Variants in SLC2A12 observed in about 807,000 individuals in gnomAD.
SLC2A12 encodes solute carrier family 2, facilitated glucose transporter member 12.
In SLC2A12, 23 loss-of-function variants were observed where a neutral mutation model predicts 41.8. The ratio of observed to expected loss-of-function variants is 0.55; its 90% CI spans 0.40 to 0.78. The LOEUF (loss-of-function observed/expected upper bound fraction) is 0.78, where lower values mean the gene tolerates loss of function less well. Among genes scored for constraint, SLC2A12 ranks in the 30% least tolerant of loss-of-function variants. SLC2A12 has a pLI of 0.00. For missense variants in SLC2A12, 654 were observed against 745.6 expected (o/e 0.88, Z 1.43); for synonymous variants, 295 against 285.9 (o/e 1.03, Z -0.32).
At position 133,990,096 on chromosome 6, in the gene SLC2A12, T is replaced by G. The variant is rs1776600044; in HGVS notation, c.*1059A>C. The G allele has an allele frequency of 6.5e-6, 1 of 152,698 alleles. No individual in the cohort carries two copies. Among genetic ancestry groups the G allele is most frequent in the South Asian group, 2.1e-4 (1 of 4,836 alleles). The allele number at this position is 152,698 out of a possible 1,614,324, so 9.5% of individuals were successfully genotyped here. ...GTTGTGTGGGTGAAACCCACGTTGC[T>G]GGTACAGGTGGCCATCATAGAAAAG... On this transcript the variant is annotated 3_prime_UTR_variant, in exon 5 of 5. Coordinates refer to ENST00000275230, the MANE Select transcript of SLC2A12 (RefSeq NM_145176.3).
intron 1 of SLC2A12, among the ~76,000 whole-genome samples, chr6:134,033,694 T>C (rs781717666): frequency 4.6e-5 from 7 of 152,202 alleles, no homozygotes; most frequent in Non-Finnish European, 8.8e-5. Context: ...ACTGCTTTAA[T>C]AGCAGAAGAA....
intron 4 of SLC2A12, among the ~76,000 whole-genome samples, chr6:134,000,902 G>C (rs547117553): frequency 6.6e-6 from 1 of 152,328 alleles, no homozygotes; most frequent in East Asian, 1.9e-4. Flanking sequence ...GGTTAAGCCT[G>C]AGAGTTTTTC....
intron 1 of SLC2A12, among the ~76,000 whole-genome samples, chr6:134,034,812 C>CA (rs1316011275): frequency 1.3e-5 from 2 of 151,950 alleles, no homozygotes; most frequent in Non-Finnish European, 1.5e-5. Context: ...AGCACTTTTC[C>CA]AAAAAATACC....
At chr6:134,006,193 C>CAA (rs571711008) in intron 3 of SLC2A12, among the ~76,000 whole-genome samples, 6 of 121,604 alleles carry the variant, frequency 4.9e-5, no homozygotes, top group Non-Finnish European at 6.8e-5. Flanking sequence ...AAAAAAAAAA[C>CAA]AAAAAAAAAA....
intron 4 of SLC2A12, among the ~76,000 whole-genome samples, chr6:133,993,022 CTT>C (rs1473311077): frequency 6.6e-6 from 1 of 152,208 alleles, no homozygotes; most frequent in African/African-American, 2.4e-5. Context: ...TTACATCTGT[CTT>C]TGTGCTTGGC....
At chr6:133,997,816 A>G (rs550360652) in intron 4 of SLC2A12, among the ~76,000 whole-genome samples, 4 of 152,340 alleles carry the variant, frequency 2.6e-5, no homozygotes, top group South Asian at 2.1e-4. Context: ...GTTGAAAAAA[A>G]AATTCTGAAA....
At chr6:133,998,725 A>G (rs1776722727) in intron 4 of SLC2A12, among the ~76,000 whole-genome samples, 1 of 152,164 alleles carries the variant, frequency 6.6e-6, no homozygotes, top group Non-Finnish European at 1.5e-5. Context: ...TGTTTTTGGT[A>G]GAGATGGGGT....
rs554311322 is a variant in SLC2A12 at position 133,996,764 on chromosome 6, G to T, written c.1700+5233C>A. ...CACCTCAGCTTCTGTGCACAAGCAG[G>T]TTCCATGGGCTTTCTACCACCTCGC... On this transcript the variant is annotated intron_variant, in intron 4 of 4. Transcript: ENST00000275230. 2.0e-5 allele frequency among the ~76,000 whole-genome samples: 3 copies of T among 152,272 alleles called. 1 individual carries two copies. The South Asian group carries it at 6.2e-4, about 32-fold the overall frequency.
intron 1 of SLC2A12, among the ~76,000 whole-genome samples, chr6:134,036,789 TC>T (rs1440582346): frequency 8.5e-5 from 13 of 152,202 alleles, no homozygotes; most frequent in African/African-American, 3.1e-4. Context: ...TGAATAGCAA[TC>T]CATTAGCATT....
Position 134,029,275 on chromosome 6 carries a change from T to C in SLC2A12, c.550A>G (p.Ile184Val), listed in dbSNP as rs200880317. 1 of 1,614,126 alleles carries C rather than the reference T, an allele frequency of 6.2e-7. No homozygotes were observed. The highest frequency in any genetic ancestry group is 1.3e-5 in the African/African-American group (1 of 75,030). The change falls in exon 2 of 5, where the codon ATT (isoleucine) becomes GTT (valine). Residue 184 changes from isoleucine (I) to valine (V), a missense_variant. Physicochemically the swap from Ile to Val is conservative, Grantham distance 29. This residue lies in a region of SLC2A12 where 411 missense variants were observed against 412.1 expected (regional missense o/e 1.00). Coordinates refer to ENST00000275230, the MANE Select transcript of SLC2A12 (RefSeq NM_145176.3). ...ACATTGGCAAATGCGTAATTTGAAATATAGGCAGAAAGAATGCCGATGACA... is the reference window on the plus strand; with the variant it reads ...ACATTGGCAAATGCGTAATTTGAAACATAGGCAGAAAGAATGCCGATGACA... Reference protein sequence around the residue: ...MIVIGILSAYISNYAFANVFH... With the variant: ...MIVIGILSAYVSNYAFANVFH...
intron 1 of SLC2A12, among the ~76,000 whole-genome samples, chr6:134,039,815 C>G (rs1210137791): frequency 6.6e-6 from 1 of 152,144 alleles, no homozygotes; most frequent in Non-Finnish European, 1.5e-5. Flanking sequence ...ACTCTGAATT[C>G]AGATAAGATC....
intron 4 of SLC2A12, among the ~76,000 whole-genome samples, chr6:133,996,286 T>C (rs1238922997): frequency 3.3e-5 from 5 of 152,268 alleles, no homozygotes; most frequent in African/African-American, 1.2e-4. Flanking sequence ...TTTCTCCATT[T>C]GTGCCCACTT....
intron 2 of SLC2A12, chr6:134,009,216 T>G (rs558687774): frequency 6.6e-6 from 1 of 152,206 alleles, no homozygotes; most frequent in East Asian, 1.9e-4. Context: ...TGCAAGCCTG[T>G]CCTAGATATT....
At chr6:134,019,598 C>T (rs10499187) in intron 2 of SLC2A12, among the ~76,000 whole-genome samples, 1 of 151,962 alleles carries the variant, frequency 6.6e-6, no homozygotes, top group Non-Finnish European at 1.5e-5. Context: ...GTTTGACATA[C>T]GGGTTTTAAT....
chr6:134,045,372 CT>C (rs1178192003), intron 1 of SLC2A12, among the ~76,000 whole-genome samples: 1 of 152,164 alleles, frequency 6.6e-6, no homozygotes, highest in African/African-American at 2.4e-5. Flanking sequence ...GTTCAGATCA[CT>C]GTGCTGTCCT....
At chr6:134,032,823 A>G (rs1053022614) in intron 1 of SLC2A12, among the ~76,000 whole-genome samples, 44 of 144,176 alleles carry the variant, frequency 3.1e-4, no homozygotes, top group African/African-American at 1.0e-3. Flanking sequence ...CTATATATAT[A>G]AATTATATAT....
In SLC2A12 at chr6:134,028,844, C is replaced by T. The variant is rs1265049035; in HGVS notation, c.981G>A (p.Lys327=). The T allele has an allele frequency of 3.1e-6, 5 of 1,614,204 alleles. No homozygotes were observed. The South Asian group carries it at 4.4e-5, about 14-fold the overall frequency. The change falls in exon 2 of 5, where the codon AAG becomes AAA. Residue 327 remains lysine, a synonymous_variant. Coordinates refer to ENST00000275230, the MANE Select transcript of SLC2A12 (RefSeq NM_145176.3). ...SLASTGVGVV[K]VISTIPATLL... The stretch of plus-strand genomic sequence containing the variant: ...GAGTGGCAGGGATGGTGCTAATGAC[C>T]TTGACGACTCCAACCCCAGTGGAGG...
In SLC2A12 at chr6:134,029,541, A is replaced by C; in HGVS notation, c.284T>G (p.Leu95Arg). Residue 95 changes from leucine to arginine, a missense_variant, in exon 2 of 5, where the codon CTC becomes CGC. Physicochemically the swap from Leu to Arg is moderately radical, Grantham distance 102. Coordinates refer to ENST00000275230, the MANE Select transcript of SLC2A12 (RefSeq NM_145176.3). ...TCTGTCTATCAGGACCCCTCCGGTG[A>C]GTGAGGCAAGGAGGGCTCCAATGAC... ...SLVIGALLASLTGGVLIDRYG... is the reference protein window; with the variant it reads ...SLVIGALLASRTGGVLIDRYG... 1 of 1,614,146 alleles carries C rather than the reference A, an allele frequency of 6.2e-7. No individual in the cohort carries two copies. Among genetic ancestry groups the C allele is most frequent in the South Asian group, 1.1e-5 (1 of 91,078 alleles).
At chr6:134,033,447 G>A (rs1191262028) in intron 1 of SLC2A12, among the ~76,000 whole-genome samples, 2 of 152,144 alleles carry the variant, frequency 1.3e-5, no homozygotes, top group South Asian at 2.1e-4. Flanking sequence ...TAAGAATATT[G>A]TATTATTCTT....
Sources: allele counts gnomAD v4.1 joint callset (sites outside exome capture counted in the v4.1 genomes callset), GRCh38; gene constraint gnomAD v4.1.1; regional missense constraint gnomAD v4.1.1; transcripts MANE v1.5; gene names NCBI Gene and HGNC (gene_info 2026-07-23, HGNC 2026-07-21).